Variants in CUL1 observed in about 807,000 individuals in gnomAD.
CUL1 encodes cullin-1.
Under a neutral mutation model 118.0 loss-of-function variants are expected in CUL1, and 24 were observed. That is an observed-to-expected ratio of 0.20 (90% confidence interval 0.15 to 0.29). The LOEUF (loss-of-function observed/expected upper bound fraction) is 0.29. Ranked by LOEUF, CUL1 falls within the 10% of genes least tolerant of loss-of-function variation. The probability of loss-of-function intolerance (pLI) is 1.00; values close to 1 mark genes in which losing one functional copy is unlikely to be tolerated. For synonymous variants in CUL1, 332 were observed against 340.4 expected (o/e 0.98, Z 0.27); for missense variants, 361 against 933.8 (o/e 0.39, Z 7.99).
At chr7:148,783,551 A>G (rs964289574) in intron 9 of CUL1, 17 of 1,419,026 alleles carry the variant, frequency 1.2e-5, no homozygotes, top group Non-Finnish European at 1.5e-5. Flanking sequence ...CGGAATCAAT[A>G]TTTAGTTTTG....
chr7:148,766,890 A>C (rs1800024072), intron 8 of CUL1, among the ~76,000 whole-genome samples, 167 bp downstream of exon 8: 1 of 152,170 alleles, frequency 6.6e-6, no homozygotes, highest in South Asian at 2.1e-4. Flanking sequence ...TCTGCAGAGC[A>C]TTTTGGTTTG....
chr7:148,750,984 TA>T (rs71192723), intron 2 of CUL1, among the ~76,000 whole-genome samples: 39,012 of 143,006 alleles, frequency 0.27, 5,244 homozygotes, highest in South Asian at 0.35. Context: ...CCTGTCTCTT[TA>T]AAAAAAAAAA....
At chr7:148,727,123 T>C (rs1798612370) in intron 1 of CUL1, among the ~76,000 whole-genome samples, 1 of 152,234 alleles carries the variant, frequency 6.6e-6, no homozygotes, top group Non-Finnish European at 1.5e-5. Context: ...GCCTGGCATA[T>C]GGTAGCATCC....
chr7:148,757,252 T>G (rs1026965554), intron 4 of CUL1, 102 bp downstream of exon 4: 1 of 622,534 alleles, frequency 1.6e-6, no homozygotes, highest in Non-Finnish European at 2.4e-6. Context: ...TATTAAGCTT[T>G]TTTCAGAATA....
intron 2 of CUL1, among the ~76,000 whole-genome samples, chr7:148,749,850 C>T (rs1159795586): frequency 6.6e-6 from 1 of 152,206 alleles, no homozygotes; most frequent in African/African-American, 2.4e-5. Flanking sequence ...AACAGTTAGC[C>T]AAGTTGTGAA....
At chr7:148,715,451 A>T (rs1163645850) in intron 1 of CUL1, among the ~76,000 whole-genome samples, 3 of 152,076 alleles carry the variant, frequency 2.0e-5, no homozygotes, top group African/African-American at 7.2e-5. Context: ...TTTACCTTCA[A>T]CCTTAACACT....
intron 1 of CUL1, among the ~76,000 whole-genome samples, chr7:148,718,804 C>T (rs377245661): frequency 1.3e-5 from 2 of 151,936 alleles, no homozygotes; most frequent in South Asian, 2.1e-4. Flanking sequence ...TTTTTAATGC[C>T]GCAGATGTTT....
chr7:148,781,803 C>G (rs10215794), intron 9 of CUL1, among the ~76,000 whole-genome samples: 107,996 of 152,042 alleles, frequency 0.71, 38,875 homozygotes, highest in African/African-American at 0.82. Flanking sequence ...GCAAGGCCTT[C>G]TAAGTGTGGA....
intron 1 of CUL1, among the ~76,000 whole-genome samples, chr7:148,722,374 C>G (rs1334306770): frequency 6.6e-6 from 1 of 152,200 alleles, no homozygotes; most frequent in Non-Finnish European, 1.5e-5. Flanking sequence ...TTGGACCTCT[C>G]TAGAGTCCTC....
chr7:148,790,109 G>A (rs1438568668), intron 15 of CUL1, among the ~76,000 whole-genome samples: 1 of 152,214 alleles, frequency 6.6e-6, no homozygotes, highest in Non-Finnish European at 1.5e-5. Flanking sequence ...TGCTGGTCTT[G>A]AAGTACAAAC....
chr7:148,731,168 G>T (rs909053517), intron 2 of CUL1, among the ~76,000 whole-genome samples: 1 of 152,234 alleles, frequency 6.6e-6, no homozygotes, highest in African/African-American at 2.4e-5. Context: ...TATTCGTGTG[G>T]TTGGAGATGC....
At chr7:148,739,128 A>T (rs1799057796) in intron 2 of CUL1, among the ~76,000 whole-genome samples, 1 of 152,076 alleles carries the variant, frequency 6.6e-6, no homozygotes, top group Non-Finnish European at 1.5e-5. Context: ...AACATGGGGA[A>T]TTCTCCCCTT....
chr7:148,760,303 A>G, intron 6 of CUL1, 30 bp from the exon 7 acceptor site: 1 of 1,567,556 alleles, frequency 6.4e-7, no homozygotes, highest in Non-Finnish European at 8.6e-7. Context: ...AAAATAGGGT[A>G]ATTGAAATAT....
chr7:148,713,453 A>G (rs1798114752), intron 1 of CUL1, among the ~76,000 whole-genome samples: 1 of 152,214 alleles, frequency 6.6e-6, no homozygotes, highest in Admixed American at 6.5e-5. Context: ...TAGGAAGAAT[A>G]TAGATGTTGA....
chr7:148,738,553 T>A (rs1335202717), intron 2 of CUL1, among the ~76,000 whole-genome samples: 1 of 152,200 alleles, frequency 6.6e-6, no homozygotes, highest in Non-Finnish European at 1.5e-5. Flanking sequence ...AGATACCTGC[T>A]TACGTTCTCA....
chr7:148,788,047 G>C (rs1209290329), intron 13 of CUL1, among the ~76,000 whole-genome samples: 1 of 152,172 alleles, frequency 6.6e-6, no homozygotes, highest in African/African-American at 2.4e-5. Context: ...CCCTCTTCCT[G>C]CTTTGTAGGC....
At chr7:148,721,041 C>T (rs1798380824) in intron 1 of CUL1, among the ~76,000 whole-genome samples, 1 of 152,220 alleles carries the variant, frequency 6.6e-6, no homozygotes, top group African/African-American at 2.4e-5. Context: ...TCATTTAAAA[C>T]TTAAAGGGAA....
Position 148,719,745 on chromosome 7 carries a change from C to T in CUL1, c.-161-10217C>T, listed in dbSNP as rs58640665. Among the ~76,000 whole-genome samples, 1,321 of 152,322 alleles carry T rather than the reference C, an allele frequency of 8.7e-3. 18 individuals carry two copies. The highest frequency in any genetic ancestry group is 0.03 in the African/African-American group (1,263 of 41,566). On this transcript the variant is annotated intron_variant, in intron 1 of 21. Transcript: ENST00000325222. ...TAAATAAAAGGCAAGCTCATGAATTCGCTAGTTCTTCCCTGAACTATTCGT... is the reference window on the plus strand; with the variant it reads ...TAAATAAAAGGCAAGCTCATGAATTTGCTAGTTCTTCCCTGAACTATTCGT...
intron 19 of CUL1, 131 bp from the exon 20 acceptor site, chr7:148,798,441 C>T (rs939586249): frequency 3.0e-6 from 2 of 661,386 alleles, no homozygotes; most frequent in Non-Finnish European, 5.3e-6. Context: ...TCACGGAGAG[C>T]TCACAGAAAT....
Sources: gnomAD v4.1 joint callset for allele counts (sites outside exome capture counted in the v4.1 genomes callset) on GRCh38, gnomAD v4.1.1 for gene constraint, MANE v1.5 for transcripts, NCBI Gene and HGNC (gene_info 2026-07-23, HGNC 2026-07-21) for gene names.